The following SKAP1 variants were observed in gnomAD, a reference collection of about 807,000 sequenced individuals.
SKAP1 encodes the protein src kinase associated phosphoprotein 1, also known as src kinase-associated phosphoprotein 1.
SKAP1 carries 44 observed loss-of-function variants against 58.5 expected under a neutral mutation model. That is an observed-to-expected ratio of 0.75 (90% confidence interval 0.59 to 0.97). SKAP1 has a LOEUF of 0.97. Among genes scored for constraint, SKAP1 ranks in the 50% least tolerant of loss-of-function variants. The pLI is 0.00. For synonymous variants in SKAP1, 127 were observed against 149.7 expected (o/e 0.85, Z 1.11); for missense variants, 390 against 435.2 (o/e 0.90, Z 0.92).
At chr17:48,199,006 G>C (rs1238985646) in intron 4 of SKAP1, among the ~76,000 whole-genome samples, 2 of 152,144 alleles carry the variant, frequency 1.3e-5, no homozygotes, top group African/African-American at 2.4e-5. Context: ...CCCTGAGTCA[G>C]ATCACGATTA....
chr17:48,277,308 G>C (rs1222027271), intron 4 of SKAP1, among the ~76,000 whole-genome samples: 1 of 152,168 alleles, frequency 6.6e-6, no homozygotes, highest in Non-Finnish European at 1.5e-5. Context: ...TAGAAAACTA[G>C]ATATTTCATA....
intron 1 of SKAP1, among the ~76,000 whole-genome samples, chr17:48,410,396 A>G (rs971099852): frequency 6.6e-6 from 1 of 152,168 alleles, no homozygotes; most frequent in Non-Finnish European, 1.5e-5. Flanking sequence ...TTGTCAGCTA[A>G]GAGGACCTAA....
intron 4 of SKAP1, among the ~76,000 whole-genome samples, chr17:48,236,829 T>A (rs141302642): frequency 1.3e-5 from 2 of 152,114 alleles, no homozygotes; most frequent in East Asian, 3.9e-4. Context: ...GTAAGGAGAG[T>A]CACAGGAAAT....
chr17:48,280,702 C>T (rs2065756213), intron 4 of SKAP1, among the ~76,000 whole-genome samples: 1 of 152,168 alleles, frequency 6.6e-6, no homozygotes, highest in Non-Finnish European at 1.5e-5. Context: ...CCTTGCCAAT[C>T]ATTGATCTAT....
intron 1 of SKAP1, among the ~76,000 whole-genome samples, chr17:48,404,366 T>C: frequency 6.6e-6 from 1 of 151,718 alleles, no homozygotes; most frequent in Non-Finnish European, 1.5e-5. Flanking sequence ...GCAGGAGAAT[T>C]GTTGGAACCC....
At chr17:48,281,501 G>A (rs546257491) in intron 4 of SKAP1, among the ~76,000 whole-genome samples, 1 of 152,318 alleles carries the variant, frequency 6.6e-6, no homozygotes, top group Admixed American at 6.5e-5. Flanking sequence ...TAGGCTGGCA[G>A]GCAGAGGCAG....
At chr17:48,418,923 G>C (rs938179016) in intron 1 of SKAP1, among the ~76,000 whole-genome samples, 3 of 152,220 alleles carry the variant, frequency 2.0e-5, no homozygotes, top group Admixed American at 6.5e-5. Flanking sequence ...ACTTTCTAGG[G>C]GGATGGAAGG....
In SKAP1 at chr17:48,262,516, A is replaced by C. The variant is rs545970517; in HGVS notation, c.281-73016T>G. ...TTTGGGCAATGTGACATTATATTTTATTGTAAAGTATTATAGTATATTTCT... is the reference window on the plus strand; with the variant it reads ...TTTGGGCAATGTGACATTATATTTTCTTGTAAAGTATTATAGTATATTTCT... On this transcript the variant is annotated intron_variant, in intron 4 of 12. Coordinates refer to ENST00000336915, the MANE Select transcript of SKAP1 (RefSeq NM_003726.4). 3.9e-5 allele frequency among the ~76,000 whole-genome samples: 6 copies of C among 152,298 alleles called. No homozygotes were observed. In the East Asian group the frequency reaches 1.2e-3, roughly 29 times the overall value.
chr17:48,286,734 C>G (rs1418574842), intron 4 of SKAP1, among the ~76,000 whole-genome samples: 1 of 152,212 alleles, frequency 6.6e-6, no homozygotes, highest in Admixed American at 6.5e-5. Flanking sequence ...GTTCTTTTGG[C>G]TTTGAAATCA....
At chr17:48,346,715 G>A (rs1196367196) in intron 3 of SKAP1, among the ~76,000 whole-genome samples, 1 of 151,990 alleles carries the variant, frequency 6.6e-6, no homozygotes, top group Non-Finnish European at 1.5e-5. Flanking sequence ...AAATGAAATA[G>A]GACTGACCCA....
At chr17:48,300,144 C>T (rs1010343940) in intron 4 of SKAP1, among the ~76,000 whole-genome samples, 1 of 152,156 alleles carries the variant, frequency 6.6e-6, no homozygotes, top group Non-Finnish European at 1.5e-5. Flanking sequence ...CCTTCCCAGG[C>T]TCACCATCAT....
intron 2 of SKAP1, among the ~76,000 whole-genome samples, chr17:48,394,168 AGC>A (rs2067385864): frequency 6.6e-6 from 1 of 152,102 alleles, no homozygotes; most frequent in African/African-American, 2.4e-5. Context: ...GGCTGCAGCA[AGC>A]TGTGATTGTG....
intron 12 of SKAP1, among the ~76,000 whole-genome samples, chr17:48,135,790 T>C (rs2063690053): frequency 6.6e-6 from 1 of 152,142 alleles, no homozygotes. Flanking sequence ...ATATTCTCTA[T>C]TACTTAAAAG....
At chr17:48,328,333 T>C (rs374027750) in intron 4 of SKAP1, among the ~76,000 whole-genome samples, 4 of 152,166 alleles carry the variant, frequency 2.6e-5, no homozygotes, top group African/African-American at 9.7e-5. Flanking sequence ...TTTTAATGTG[T>C]TGGAAAAATC....
At chr17:48,229,428 C>T (rs985773597) in intron 4 of SKAP1, among the ~76,000 whole-genome samples, 18 of 152,004 alleles carry the variant, frequency 1.2e-4, no homozygotes, top group African/African-American at 4.4e-4. Context: ...TGTGACTAGC[C>T]TGGCCAAGAT....
intron 4 of SKAP1, among the ~76,000 whole-genome samples, chr17:48,309,574 A>T (rs945324515): frequency 1.3e-5 from 2 of 151,768 alleles, no homozygotes; most frequent in African/African-American, 2.4e-5. Flanking sequence ...CACAGATATA[A>T]ATATATACAT....
intron 4 of SKAP1, among the ~76,000 whole-genome samples, chr17:48,309,122 A>C (rs1437417022): frequency 3.9e-5 from 6 of 152,202 alleles, no homozygotes; most frequent in African/African-American, 1.4e-4. Context: ...TATGACACTA[A>C]AAAAAGAAAC....
chr17:48,331,517 T>C (rs1239385703), intron 4 of SKAP1, among the ~76,000 whole-genome samples: 1 of 151,810 alleles, frequency 6.6e-6, no homozygotes. Flanking sequence ...CTGACCAACA[T>C]GGAGATATCC....
chr17:48,436,219 A>AT, the SKAP1 span, among the ~76,000 whole-genome samples: 1 of 152,090 alleles, frequency 6.6e-6, no homozygotes, highest in Non-Finnish European at 1.5e-5. Flanking sequence ...TTATAGGCAC[A>AT]TGCCACCATG....
Sources: allele counts gnomAD v4.1 joint callset (sites outside exome capture counted in the v4.1 genomes callset), GRCh38; gene constraint gnomAD v4.1.1; transcripts MANE v1.5; gene names NCBI Gene and HGNC (gene_info 2026-07-23, HGNC 2026-07-21).